Variants in GPAM observed in about 807,000 individuals in gnomAD.
GPAM encodes glycerol-3-phosphate acyltransferase 1, mitochondrial.
A neutral mutation model predicts 105.0 loss-of-function variants in GPAM; 56 were observed. The observed-to-expected ratio is 0.53, with a 90% CI of 0.43 to 0.67. The LOEUF (loss-of-function observed/expected upper bound fraction) is 0.67. Ranked by LOEUF, GPAM falls within the 30% of genes least tolerant of loss-of-function variation. The pLI is 0.00. For synonymous variants in GPAM, 368 were observed against 354.4 expected (o/e 1.04, Z -0.43); for missense variants, 855 against 989.8 (o/e 0.86, Z 1.83).
intron 1 of GPAM, among the ~76,000 whole-genome samples, chr10:112,199,109 G>GTGTGTGTA (rs1847762016): frequency 6.6e-6 from 1 of 151,288 alleles, no homozygotes; most frequent in African/African-American, 2.4e-5. Flanking sequence ...GTGTGTGTGT[G>GTGTGTGTA]TGTGTGTGTG....
intron 1 of GPAM, among the ~76,000 whole-genome samples, chr10:112,210,451 G>A (rs931403748): frequency 2.0e-5 from 3 of 152,104 alleles, no homozygotes; most frequent in Admixed American, 6.6e-5. Flanking sequence ...AGGCATCGTC[G>A]GCTAAAACAC....
At chr10:112,207,688 AC>A (rs1847866766) in intron 1 of GPAM, among the ~76,000 whole-genome samples, 1 of 152,158 alleles carries the variant, frequency 6.6e-6, no homozygotes, top group Non-Finnish European at 1.5e-5. Flanking sequence ...GTCACCAACA[AC>A]CATGTTTGGC....
chr10:112,166,267 T>C (rs1287899477), intron 12 of GPAM, 135 bp downstream of exon 12: 2 of 700,332 alleles, frequency 2.9e-6, no homozygotes, highest in Non-Finnish European at 5.3e-6. Context: ...ACACCACCTT[T>C]ATCATAGTCC....
rs1564682157 is a variant in GPAM at position 112,178,022 on chromosome 10, A to G, written c.261T>C (p.Gly87=). The change falls in exon 5 of 22, where the codon GGT becomes GGC. Residue 87 remains glycine (G), a synonymous_variant. Transcript: ENST00000348367. ...CATTGATATAAATAACATTCCGCAA[A>G]CCCAAAGACGGGATACTGGGGTTGA... ...KFFNPSIPSL[G]LRNVIYINET... is the part of the protein sequence containing the mutation. 1 of 1,603,184 alleles carries G rather than the reference A, an allele frequency of 6.2e-7. No individual in the cohort carries two copies. The highest frequency in any genetic ancestry group is 8.5e-7 in the Non-Finnish European group (1 of 1,170,346).
Position 112,211,720 on chromosome 10 carries a change from C to T in GPAM, n.210+3448G>A, listed in dbSNP as rs1297170254. On this transcript the variant is annotated intron_variant and non_coding_transcript_variant, in intron 1 of 3. Transcript: ENST00000480130. ...ACAGTAAGCACACAACCCATATTTACAGAACACAGAATCTGTACTCTCAAA... is the reference window on the plus strand; with the variant it reads ...ACAGTAAGCACACAACCCATATTTATAGAACACAGAATCTGTACTCTCAAA... 2.0e-5 allele frequency among the ~76,000 whole-genome samples: 3 copies of T among 152,298 alleles called. No individual in the cohort carries two copies. The East Asian group carries it at 5.8e-4, about 29-fold the overall frequency.
chr10:112,180,448 G>C (rs1418263063), intron 4 of GPAM, 25 bp downstream of exon 4: 1 of 1,609,818 alleles, frequency 6.2e-7, no homozygotes, highest in Admixed American at 1.7e-5. Context: ...TGAGTATTAG[G>C]GTCAATAAGC....
intron 14 of GPAM, among the ~76,000 whole-genome samples, chr10:112,162,098 C>T (rs568978785): frequency 2.0e-5 from 3 of 152,190 alleles, no homozygotes; most frequent in Non-Finnish European, 4.4e-5. Flanking sequence ...CCTTTACTTG[C>T]TCCCACCTAC....
At chr10:112,199,606 A>C (rs1279921662) in intron 1 of GPAM, among the ~76,000 whole-genome samples, 1 of 152,220 alleles carries the variant, frequency 6.6e-6, no homozygotes, top group East Asian at 1.9e-4. Flanking sequence ...TAATCATTCC[A>C]CAATGTACAT....
At chr10:112,202,280 A>G (rs1271348309) in intron 1 of GPAM, among the ~76,000 whole-genome samples, 1 of 152,252 alleles carries the variant, frequency 6.6e-6, no homozygotes, top group African/African-American at 2.4e-5. Context: ...AACTTTATTC[A>G]TCAAACAGAT....
At chr10:112,171,289 C>T (rs1847308393) in intron 9 of GPAM, among the ~76,000 whole-genome samples, 1 of 152,154 alleles carries the variant, frequency 6.6e-6, no homozygotes, top group Admixed American at 6.5e-5. Flanking sequence ...TAGGGACTAG[C>T]ACTGGGTCTT....
rs115009491 is a variant in GPAM, at chr10:112,161,590, C to T, written c.1494+77G>A. On this transcript the variant is annotated intron_variant, in intron 15 of 21. Coordinates refer to ENST00000348367, the MANE Select transcript of GPAM (RefSeq NM_001244949.2). ...CTAGCCATGAGTGGGCCAAATCTGC[C>T]CCTGAGTATGTATCTGAGCAGCTGA... is the stretch of plus-strand genomic sequence containing the variant. 3.4e-4 allele frequency: 411 copies of T among 1,199,566 alleles called. 2 individuals are homozygous for T. The African/African-American group carries it at 5.4e-3, about 16-fold the overall frequency. 74.3% of individuals were successfully genotyped at this position (1,199,566 alleles called of 1,614,324 possible).
chr10:112,216,468 C>G (rs576191064), upstream of GPAM, among the ~76,000 whole-genome samples: 1 of 152,250 alleles, frequency 6.6e-6, no homozygotes, highest in Non-Finnish European at 1.5e-5. Context: ...GGAACCACAA[C>G]AAAACCAGCA....
intron 1 of GPAM, among the ~76,000 whole-genome samples, chr10:112,203,576 A>G (rs1432075784): frequency 6.6e-6 from 1 of 152,156 alleles, no homozygotes; most frequent in African/African-American, 2.4e-5. Context: ...CACCCACTCA[A>G]ACTTCTGCTT....
chr10:112,161,517 C>T, intron 15 of GPAM, 150 bp downstream of exon 15: 1 of 675,100 alleles, frequency 1.5e-6, no homozygotes, highest in Non-Finnish European at 2.7e-6. Flanking sequence ...AGTTGATAAG[C>T]TCCTTTGGGC....
the GPAM span, among the ~76,000 whole-genome samples, chr10:112,224,289 C>T: frequency 1.3e-5 from 2 of 152,184 alleles, no homozygotes; most frequent in Non-Finnish European, 2.9e-5. Flanking sequence ...ATTTCATACA[C>T]AATGATCATG....
Position 112,164,540 on chromosome 10 carries a change from G to A in GPAM, c.1292C>T (p.Ala431Val). ...LLSLEQALLPAILPSRPSDAA... is the reference protein window; with the variant it reads ...LLSLEQALLPVILPSRPSDAA... The stretch of plus-strand genomic sequence containing the variant: ...CAAATTTTACCTTGAAGGAAGTATA[G>A]CTGGTAACAACGCTTGCTCCAGGGA... Residue 431 changes from alanine to valine, a missense_variant, in exon 13 of 22, where the codon GCT (alanine) becomes GTT (valine). Transcript: ENST00000348367. 1 of 1,577,194 alleles carries A rather than the reference G, an allele frequency of 6.3e-7. No homozygotes were observed. Among genetic ancestry groups the A allele is most frequent in the Non-Finnish European group, 8.7e-7 (1 of 1,146,428 alleles).
intron 9 of GPAM, among the ~76,000 whole-genome samples, chr10:112,169,165 G>A (rs1847270818): frequency 6.6e-6 from 1 of 152,062 alleles, no homozygotes; most frequent in Admixed American, 6.5e-5. Flanking sequence ...ATATCACTGT[G>A]TATAATGAGC....
chr10:112,152,496 A>T lies in GPAM; in HGVS notation c.*1054T>A, dbSNP rs1004558987. 3 of 984,240 alleles carry T rather than the reference A, an allele frequency of 3.0e-6. No homozygotes were observed. Among genetic ancestry groups the T allele is most frequent in the Non-Finnish European group, 3.6e-6 (3 of 828,922 alleles). The allele number at this position is 984,240 out of a possible 1,614,324, so 61.0% of individuals were successfully genotyped here. ...GGGCCACCACATGCATATACTGGAC[A>T]GGTTGTGCACGGCACAACTCGAGTG... is the stretch of plus-strand genomic sequence containing the variant. On this transcript the variant is annotated 3_prime_UTR_variant, in exon 22 of 22. Transcript: ENST00000348367.
Position 112,166,431 on chromosome 10 carries a change from C to T in GPAM, c.1192G>A (p.Val398Met). 1 of 1,605,182 alleles carries T rather than the reference C, an allele frequency of 6.2e-7. No individual in the cohort carries two copies. Among genetic ancestry groups the T allele is most frequent in the Non-Finnish European group, 8.5e-7 (1 of 1,171,856 alleles). ...MLRKNYGCVR[V>M]DFAQPFSLKE... ...AAGGAAAATGGCTGTGCAAAATCCA[C>T]TCGGACACAACCATAGTTTTTTCGT... is the stretch of plus-strand genomic sequence containing the variant. The change falls in exon 12 of 22, where the codon GTG (valine) becomes ATG (methionine). Residue 398 changes from valine to methionine, a missense_variant. Coordinates refer to ENST00000348367, the MANE Select transcript of GPAM (RefSeq NM_001244949.2).
Sources: allele counts gnomAD v4.1 joint callset (sites outside exome capture counted in the v4.1 genomes callset), GRCh38; gene constraint gnomAD v4.1.1; transcripts MANE v1.5; gene names NCBI Gene and HGNC (gene_info 2026-07-23, HGNC 2026-07-21).